SYNE2: variants seen among roughly 807,000 people sequenced by gnomAD.
SYNE2 encodes the protein spectrin repeat containing nuclear envelope protein 2.
Under a neutral mutation model 856.3 loss-of-function variants are expected in SYNE2, and 431 were observed. The ratio of observed to expected loss-of-function variants is 0.50; its 90% CI spans 0.47 to 0.55. SYNE2 has a LOEUF of 0.55. Ranked by LOEUF, SYNE2 falls within the 20% of genes least tolerant of loss-of-function variation. The pLI, the probability that SYNE2 is intolerant of heterozygous loss-of-function variation, is 0.00. For missense variants in SYNE2, 8,129 were observed against 8,023.2 expected (o/e 1.01, Z -0.50); for synonymous variants, 2,923 against 2,872.3 (o/e 1.02, Z -0.56).
chr14:63,805,216 T>C (rs1323361596), intron 1 of SYNE2, among the ~76,000 whole-genome samples: 1 of 152,222 alleles, frequency 6.6e-6, no homozygotes, highest in Admixed American at 6.5e-5. Flanking sequence ...TTGTGTTCTT[T>C]TTTGAATTTT....
intron 85 of SYNE2, among the ~76,000 whole-genome samples, chr14:64,153,515 G>A (rs2098261695): frequency 6.6e-6 from 1 of 152,190 alleles, no homozygotes; most frequent in South Asian, 2.1e-4. Context: ...AGAGGGAATA[G>A]GGAATAACCT....
intron 1 of SYNE2, among the ~76,000 whole-genome samples, chr14:63,788,341 G>A (rs982590334): frequency 1.3e-5 from 2 of 152,082 alleles, no homozygotes; most frequent in South Asian, 2.1e-4. Flanking sequence ...GGGAGTTCTC[G>A]CCCTGCCAAC....
intron 57 of SYNE2, among the ~76,000 whole-genome samples, chr14:64,082,336 T>G (rs2097530734): frequency 6.6e-6 from 1 of 152,164 alleles, no homozygotes; most frequent in African/African-American, 2.4e-5. Context: ...TATGGGATTT[T>G]GGGATTTGGA....
chr14:64,140,963 T>C (rs1319873251), intron 80 of SYNE2, among the ~76,000 whole-genome samples: 1 of 152,198 alleles, frequency 6.6e-6, no homozygotes, highest in Non-Finnish European at 1.5e-5. Context: ...GTAAATTTTT[T>C]CAACATACTT....
rs760699841 is a variant in SYNE2 at position 63,995,072 on chromosome 14, T to C, written c.2810T>C (p.Val937Ala). 3 of 1,567,124 alleles carry C rather than the reference T, an allele frequency of 1.9e-6. No homozygotes were observed. Among genetic ancestry groups the C allele is most frequent in the Non-Finnish European group, 2.6e-6 (3 of 1,145,888 alleles). Residue 937 changes from valine to alanine, a missense_variant, in exon 23 of 116, where the codon GTT becomes GCT. Val to Ala is a moderately conservative substitution (Grantham distance 64, BLOSUM62 0). Coordinates refer to ENST00000555002, the MANE Select transcript of SYNE2 (RefSeq NM_182914.3). The stretch of plus-strand genomic sequence containing the variant: ...CTTCATCATGAACTGTCTTTATATG[T>C]TCAACAACTAAAAATAGATATTGAA... ...ESLHHELSLY[V>A]QQLKIDIEKG...
chr14:63,961,423 G>C, intron 8 of SYNE2, 102 bp from the exon 9 acceptor site: 1 of 960,792 alleles, frequency 1.0e-6, no homozygotes, highest in Non-Finnish European at 1.6e-6. Context: ...TGCATTTCCA[G>C]AGCCTGTGAA....
intron 74 of SYNE2, 144 bp downstream of exon 74, chr14:64,128,697 T>G: frequency 1.5e-6 from 1 of 662,958 alleles, no homozygotes; most frequent in Non-Finnish European, 2.7e-6. Context: ...TTATGTTGAC[T>G]TTTTAAAAAC....
chr14:64,219,096 G>GTTTTTTTTTTTTT (rs1214967482), intron 109 of SYNE2, 112 bp from the exon 110 acceptor site: 3 of 758,730 alleles, frequency 4.0e-6, no homozygotes, highest in East Asian at 3.8e-5. Context: ...ATCCCCTACA[G>GTTTTTTTTTTTTT]TTTTTTTGTT....
At chr14:64,104,885 G>A (rs1165457510) in intron 64 of SYNE2, among the ~76,000 whole-genome samples, 2 of 151,982 alleles carry the variant, frequency 1.3e-5, no homozygotes, top group Non-Finnish European at 2.9e-5. Flanking sequence ...TTCTATCCTC[G>A]TGATAGACTT....
At chr14:63,832,062 T>A (rs1889689390) in intron 1 of SYNE2, among the ~76,000 whole-genome samples, 1 of 152,004 alleles carries the variant, frequency 6.6e-6, no homozygotes, top group Non-Finnish European at 1.5e-5. Context: ...GGCAAAGAGG[T>A]TTATTGATAA....
chr14:64,059,293 C>G (rs1373642536), intron 49 of SYNE2, among the ~76,000 whole-genome samples: 1 of 152,134 alleles, frequency 6.6e-6, no homozygotes, highest in Admixed American at 6.5e-5. Context: ...TTGCTTGTAC[C>G]TGTCCTTCTT....
chr14:63,799,878 G>A lies in SYNE2; in HGVS notation c.-305+37892G>A, dbSNP rs112674295. On this transcript the variant is annotated intron_variant, in intron 1 of 23. Coordinates refer to the SYNE2 transcript ENST00000674003. The stretch of plus-strand genomic sequence containing the variant: ...AGCCCTGGGATGGCATCTTTCTTTC[G>A]CTCTAATAGAAGATACTGCCAGATG... Among the ~76,000 whole-genome samples, 125 of 152,068 alleles carry A rather than the reference G, an allele frequency of 8.2e-4. 1 individual carries two copies. Among genetic ancestry groups the A allele is most frequent in the African/African-American group, 2.8e-3 (118 of 41,484 alleles).
chr14:64,219,096 GTTTTTTTGTTTTTTTTTT>G (rs2098680518), intron 109 of SYNE2, 94 bp from the exon 110 acceptor site: 2 of 758,740 alleles, frequency 2.6e-6, no homozygotes, highest in Admixed American at 3.2e-5. Flanking sequence ...ATCCCCTACA[GTTTTTTTGTTTTTTTTTT>G]TTTTTTTTTT....
At chr14:64,076,740 ATTT>A (rs35509549) in intron 54 of SYNE2, among the ~76,000 whole-genome samples, 11 of 122,168 alleles carry the variant, frequency 9.0e-5, no homozygotes, top group Admixed American at 2.6e-4. Flanking sequence ...CCACAGAAGG[ATTT>A]TTTTTTTTTT....
chr14:63,960,742 G>A (rs769015490), intron 8 of SYNE2: 1 of 763,884 alleles, frequency 1.3e-6, no homozygotes, highest in Non-Finnish European at 2.4e-6. Flanking sequence ...TTAGATGCCT[G>A]GAGAAGTTCT....
At position 64,075,950 on chromosome 14, in the gene SYNE2, T is replaced by C. The variant is rs1390428446; in HGVS notation, c.10872T>C (p.Leu3624=). The change falls in exon 54 of 116, where the codon CTT becomes CTC. Residue 3624 remains leucine (L), a synonymous_variant. Coordinates refer to ENST00000555002, the MANE Select transcript of SYNE2 (RefSeq NM_182914.3). ...AACTCTCTTAATGCTTTTAGGAGCT[T>C]CAAAGCATCCTTAAGAAAGGGAAAC... ...HPEKSEQFEE[L]QSILKKGKLT... is the part of the protein sequence containing the mutation. The C allele has an allele frequency of 5.0e-6, 8 of 1,613,744 alleles. No homozygotes were observed. Among genetic ancestry groups the C allele is most frequent in the Admixed American group, 1.7e-5 (1 of 60,020 alleles).
At chr14:63,967,263 A>C (rs1182612533) in intron 10 of SYNE2, among the ~76,000 whole-genome samples, 1 of 152,224 alleles carries the variant, frequency 6.6e-6, no homozygotes, top group African/African-American at 2.4e-5. Context: ...AGTTTATATA[A>C]AATGAATTGG....
intron 8 of SYNE2, 146 bp from the exon 9 acceptor site, chr14:63,961,379 A>G: frequency 1.4e-6 from 1 of 705,666 alleles, no homozygotes; most frequent in Non-Finnish European, 2.5e-6. Flanking sequence ...AAGGCTGAGT[A>G]AACAGAGATT....
intron 1 of SYNE2, among the ~76,000 whole-genome samples, chr14:63,775,569 C>A (rs1368384359): frequency 6.6e-6 from 1 of 152,152 alleles, no homozygotes; most frequent in African/African-American, 2.4e-5. Context: ...AGCCACTATG[C>A]CAGACCTATT....
Sources: allele counts gnomAD v4.1 joint callset (sites outside exome capture counted in the v4.1 genomes callset), GRCh38; gene constraint gnomAD v4.1.1; transcripts MANE v1.5; gene names NCBI Gene and HGNC (gene_info 2026-07-23, HGNC 2026-07-21).